Variants in CDK19 observed in about 807,000 individuals in gnomAD.
CDK19 encodes cyclin dependent kinase 19, also known as cyclin-dependent kinase 19.
In CDK19, 20 loss-of-function variants were observed where a neutral mutation model predicts 68.3. The ratio of observed to expected loss-of-function variants is 0.29; its 90% CI spans 0.21 to 0.43. The LOEUF is 0.43. Ranked by LOEUF, CDK19 falls within the 20% of genes least tolerant of loss-of-function variation. CDK19 has a pLI of 1.00. For synonymous variants in CDK19, 221 were observed against 222.8 expected, an observed-to-expected ratio of 0.99 and a Z score of 0.07; for missense variants, 339 against 623.5, an observed-to-expected ratio of 0.54 and a Z score of 4.86.
chr6:110,690,643 G>A (rs1241124449), intron 2 of CDK19, among the ~76,000 whole-genome samples: 3 of 152,152 alleles, frequency 2.0e-5, no homozygotes, highest in African/African-American at 7.2e-5. Context: ...AATAAGATAA[G>A]CTTCAAGAGA....
At chr6:110,723,266 A>G (rs1305248645) in intron 2 of CDK19, among the ~76,000 whole-genome samples, 1 of 152,108 alleles carries the variant, frequency 6.6e-6, no homozygotes, top group Non-Finnish European at 1.5e-5. Flanking sequence ...TAGGTACCAG[A>G]CATGTTGGTG....
intron 2 of CDK19, among the ~76,000 whole-genome samples, chr6:110,680,408 C>T (rs889271687): frequency 1.3e-4 from 20 of 152,266 alleles, no homozygotes; most frequent in African/African-American, 4.8e-4. Context: ...CAGATATTAA[C>T]CTTATTAGTA....
At chr6:110,791,183 A>T (rs920700663) in intron 1 of CDK19, among the ~76,000 whole-genome samples, 31 of 151,666 alleles carry the variant, frequency 2.0e-4, no homozygotes, top group Non-Finnish European at 3.7e-4. Context: ...AAAAAAAAAA[A>T]TTTAATTCAT....
intron 2 of CDK19, among the ~76,000 whole-genome samples, chr6:110,734,686 C>A (rs73528407): frequency 6.6e-6 from 1 of 152,046 alleles, no homozygotes. Context: ...AGAGTCTTCC[C>A]AGACTGCCAA....
At chr6:110,712,707 A>C (rs941166071) in intron 2 of CDK19, among the ~76,000 whole-genome samples, 1 of 152,234 alleles carries the variant, frequency 6.6e-6, no homozygotes, top group Non-Finnish European at 1.5e-5. Flanking sequence ...GAAGCAGGAT[A>C]AACAGGATAT....
intron 2 of CDK19, among the ~76,000 whole-genome samples, chr6:110,716,701 T>C (rs756400397): frequency 6.6e-6 from 1 of 152,170 alleles, no homozygotes; most frequent in Non-Finnish European, 1.5e-5. Context: ...TATATAGATA[T>C]AGATATATAG....
At chr6:110,755,240 T>A (rs9400412) in intron 1 of CDK19, among the ~76,000 whole-genome samples, 1 of 151,664 alleles carries the variant, frequency 6.6e-6, no homozygotes, top group Admixed American at 6.6e-5. Context: ...GGGGTTTCGC[T>A]ATGTTGGCCA....
At chr6:110,638,740 G>C in intron 4 of CDK19, 34 bp from the exon 5 acceptor site, 1 of 1,187,958 alleles carries the variant, frequency 8.4e-7, no homozygotes, top group Non-Finnish European at 1.2e-6. Flanking sequence ...AAATTACCAT[G>C]TTTATTCTTT....
chr6:110,714,455 G>T (rs1303727401), intron 2 of CDK19, among the ~76,000 whole-genome samples: 1 of 152,096 alleles, frequency 6.6e-6, no homozygotes, highest in Non-Finnish European at 1.5e-5. Context: ...GGGTCATATG[G>T]TAACTTTTTG....
At chr6:110,655,473 T>C (rs1240992924) in intron 4 of CDK19, among the ~76,000 whole-genome samples, 2 of 152,140 alleles carry the variant, frequency 1.3e-5, no homozygotes, top group African/African-American at 2.4e-5. Flanking sequence ...ATGTTGACAG[T>C]AGCCATTACC....
chr6:110,740,083 CTG>C (rs1360501697), intron 2 of CDK19, among the ~76,000 whole-genome samples: 10 of 149,308 alleles, frequency 6.7e-5, no homozygotes, highest in Admixed American at 6.1e-4. Flanking sequence ...GAAAAATTCT[CTG>C]TATTTTTGCA....
Position 110,660,674 on chromosome 6 carries a change from C to A in CDK19, c.456+6760G>T, listed in dbSNP as rs141306811. On this transcript the variant is annotated intron_variant, in intron 4 of 12. Coordinates refer to ENST00000368911, the MANE Select transcript of CDK19 (RefSeq NM_015076.5). ...TCCAGCCATCTCCAACTAGACTCTT[C>A]TCCAAAGCTACACCATCAAGCTGTC... Among the ~76,000 whole-genome samples, 5 of 152,332 alleles carry A rather than the reference C, an allele frequency of 3.3e-5. No homozygotes were observed. The East Asian group carries it at 9.6e-4, about 29-fold the overall frequency.
chr6:110,735,212 G>C (rs368137326), intron 2 of CDK19, among the ~76,000 whole-genome samples: 2 of 151,384 alleles, frequency 1.3e-5, no homozygotes, highest in Admixed American at 1.3e-4. Context: ...CTCCCAAAGT[G>C]CTGGGTTTAC....
intron 4 of CDK19, among the ~76,000 whole-genome samples, chr6:110,649,409 A>C (rs1332898609): frequency 6.6e-6 from 1 of 152,168 alleles, no homozygotes; most frequent in Non-Finnish European, 1.5e-5. Flanking sequence ...AAACTTTAAA[A>C]CTTTTGGAAA....
intron 1 of CDK19, among the ~76,000 whole-genome samples, chr6:110,767,048 C>T (rs1779644113): frequency 6.6e-6 from 1 of 151,918 alleles, no homozygotes; most frequent in Non-Finnish European, 1.5e-5. Context: ...ACAAGAGAAT[C>T]ATTTGAACCA....
chr6:110,770,342 A>T (rs1230621335), intron 1 of CDK19, among the ~76,000 whole-genome samples: 2 of 152,250 alleles, frequency 1.3e-5, no homozygotes, highest in Non-Finnish European at 2.9e-5. Context: ...GGGAGGCCTC[A>T]GAATCATAGC....
intron 4 of CDK19, among the ~76,000 whole-genome samples, chr6:110,640,079 A>G (rs941971823): frequency 1.3e-5 from 2 of 151,848 alleles, no homozygotes; most frequent in African/African-American, 4.8e-5. Context: ...AAAATAGCCT[A>G]GTGTGGTGGC....
At chr6:110,790,564 ATTATAT>A (rs1781520012) in intron 1 of CDK19, among the ~76,000 whole-genome samples, 1 of 152,042 alleles carries the variant, frequency 6.6e-6, no homozygotes, top group Non-Finnish European at 1.5e-5. Flanking sequence ...TAAAAAATAA[ATTATAT>A]AGGTTATTAA....
chr6:110,615,816 A>G (rs143173564), intron 12 of CDK19, among the ~76,000 whole-genome samples: 2 of 152,316 alleles, frequency 1.3e-5, no homozygotes, highest in African/African-American at 4.8e-5. Flanking sequence ...CTGGAGGTCA[A>G]TTGGCTACTC....
Sources: gnomAD v4.1 joint callset for allele counts (sites outside exome capture counted in the v4.1 genomes callset) on GRCh38, gnomAD v4.1.1 for gene constraint, MANE v1.5 for transcripts, NCBI Gene and HGNC (gene_info 2026-07-23, HGNC 2026-07-21) for gene names.